The following BAHCC1 variants were observed in gnomAD, a reference collection of about 807,000 sequenced individuals.
BAHCC1 encodes BAH and coiled-coil domain-containing protein 1.
BAHCC1 carries 43 observed loss-of-function variants against 88.2 expected under a neutral mutation model. The ratio of observed to expected loss-of-function variants is 0.49; its 90% CI spans 0.38 to 0.63. The LOEUF is 0.63. Ranked by LOEUF, BAHCC1 falls within the 20% of genes least tolerant of loss-of-function variation. BAHCC1 has a pLI of 0.00. For synonymous variants in BAHCC1, 1,510 were observed against 745.5 expected, an observed-to-expected ratio of 2.03 and a Z score of -16.71; for missense variants, 3,023 against 1,654.8, an observed-to-expected ratio of 1.83 and a Z score of -14.34.
At position 81,414,678 on chromosome 17, in the gene BAHCC1, G is replaced by C. The variant is rs544684356; in HGVS notation, c.179-12122G>C. Among the ~76,000 whole-genome samples the C allele has an allele frequency of 4.5e-3, 685 of 152,326 alleles. 4 individuals are homozygous for C. Among genetic ancestry groups the C allele is most frequent in the African/African-American group, 0.015 (639 of 41,576 alleles). The stretch of plus-strand genomic sequence containing the variant: ...GTGGGTCCGTGCGGCAGGAGCGCTG[G>C]CCGTCGGGAGGGCCTGGTGTGGCCG... On this transcript the variant is annotated intron_variant, in intron 2 of 27. Coordinates refer to ENST00000675386, the MANE Select transcript of BAHCC1 (RefSeq NM_001377448.1).
At chr17:81,417,152 C>CGTGCGT (rs1224589715) in intron 2 of BAHCC1, among the ~76,000 whole-genome samples, 1 of 152,068 alleles carries the variant, frequency 6.6e-6, no homozygotes, top group African/African-American at 2.4e-5. Flanking sequence ...CTGGGGTGTG[C>CGTGCGT]GTGCGTGTGC....
chr17:81,428,771 C>T (rs1214460527), intron 3 of BAHCC1, among the ~76,000 whole-genome samples: 2 of 152,244 alleles, frequency 1.3e-5, no homozygotes, highest in East Asian at 1.9e-4. Flanking sequence ...GCTGCCTGGG[C>T]GGAGCTGCCC....
chr17:81,398,658 C>T (rs1429134749), intron 1 of BAHCC1, among the ~76,000 whole-genome samples: 6 of 152,236 alleles, frequency 3.9e-5, no homozygotes, highest in South Asian at 2.1e-4. Context: ...AGATCCTGGG[C>T]GAATTTGATT....
Position 81,399,815 on chromosome 17 carries a change from G to T in BAHCC1, c.76G>T (p.Ala26Ser). 7.6e-7 allele frequency: 1 copy of T among 1,319,818 alleles called. No homozygotes were observed. Among genetic ancestry groups the T allele is most frequent in the Non-Finnish European group, 9.6e-7 (1 of 1,036,622 alleles). The allele number at this position is 1,319,818 out of a possible 1,614,324, so 81.8% of individuals were successfully genotyped here. A position where few individuals can be genotyped will look rare whatever the true frequency, so the allele number is the denominator to read the frequency against. ...RGSLGHRSAA[A>S]AARLAPAGPA... is the part of the protein sequence containing the mutation. ...GAGCCTGGGCCACCGCAGCGCCGCT[G>T]CCGCCGCGCGTCTCGCCCCGGCTGG... Residue 26 changes from alanine (A) to serine (S), a missense_variant, in exon 2 of 28, where the codon GCC becomes TCC. By Grantham distance (99) the Ala-to-Ser change is moderately conservative. Coordinates refer to ENST00000675386, the MANE Select transcript of BAHCC1 (RefSeq NM_001377448.1). This position sits in a 1 kb window ranked among gnomAD's most constrained non-coding sequence, Gnocchi z 4.5.
chr17:81,457,407 C>T lies in BAHCC1; in HGVS notation c.4859-3C>T. The T allele has an allele frequency of 2.6e-6, 2 of 766,776 alleles. No homozygotes were observed. The highest frequency in any genetic ancestry group is 1.4e-5 in the South Asian group (1 of 72,202). 47.5% of individuals were successfully genotyped at this position (766,776 alleles called of 1,614,324 possible). On this transcript the variant is annotated splice_polypyrimidine_tract_variant and splice_region_variant and intron_variant, in intron 16 of 27. Coordinates refer to ENST00000675386, the MANE Select transcript of BAHCC1 (RefSeq NM_001377448.1). ...CATCAGGACCCCTCTGCCTCTCTCC[C>T]AGGCAGTGGCTATGACAGTGAGGAC... is the stretch of plus-strand genomic sequence containing the variant.
At chr17:81,453,122 C>T (rs889031830) in intron 14 of BAHCC1, among the ~76,000 whole-genome samples, 9 of 152,252 alleles carry the variant, frequency 5.9e-5, no homozygotes, top group African/African-American at 9.6e-5. Context: ...CCAGCCACGC[C>T]GGCTCTGCAC....
rs782635602 is a variant in BAHCC1, at chr17:81,456,447, C to T, written c.4720C>T (p.Arg1574Cys). 1.1e-5 allele frequency: 8 copies of T among 722,150 alleles called. No individual in the cohort carries two copies. The highest frequency in any genetic ancestry group is 2.7e-5 in the East Asian group (1 of 37,700). 44.7% of individuals were successfully genotyped at this position (722,150 alleles called of 1,614,324 possible). A position where few individuals can be genotyped will look rare whatever the true frequency, so the allele number is the denominator to read the frequency against. Residue 1574 changes from arginine to cysteine, a missense_variant, in exon 16 of 28, where the codon CGC becomes TGC. Arg to Cys is a radical substitution (Grantham distance 180, BLOSUM62 -3). Transcript: ENST00000675386. ...GCAGAAGGAGGCTACCCCCGGGGGG[C>T]GCATCCGGGAGAAGCTGTCCCGAGC... is the stretch of plus-strand genomic sequence containing the variant. ...FQQKEATPGG[R>C]IREKLSRAKS... is the part of the protein sequence containing the mutation.
intron 19 of BAHCC1, 23 bp downstream of exon 19, chr17:81,458,748 G>T: frequency 4.0e-6 from 3 of 743,630 alleles, no homozygotes; most frequent in Non-Finnish European, 7.5e-6. Flanking sequence ...CACTCTGGGA[G>T]CCCACTGTGC....
rs1280378731 is a variant in BAHCC1, at chr17:81,411,502, G to T, written c.178+11585G>T. ...TGCCTGCCTGCCTGCCTGCCTGCCT[G>T]CCTGCCTGCCTGCCTTCCTTCCTTC... On this transcript the variant is annotated intron_variant, in intron 2 of 27. Coordinates refer to ENST00000675386, the MANE Select transcript of BAHCC1 (RefSeq NM_001377448.1). This position sits in a 1 kb window ranked among gnomAD's most constrained non-coding sequence, Gnocchi z 6.2. 3.1e-6 allele frequency: 1 copy of T among 319,946 alleles called. No homozygotes were observed. The highest frequency in any genetic ancestry group is 8.4e-5 in the East Asian group (1 of 11,900). The allele number at this position is 319,946 out of a possible 1,614,324, so 19.8% of individuals were successfully genotyped here.
At position 81,461,588 on chromosome 17, in the gene BAHCC1, C is replaced by T. The variant is rs782380801; in HGVS notation, c.6925C>T (p.Arg2309Cys). 11 of 720,854 alleles carry T rather than the reference C, an allele frequency of 1.5e-5. No homozygotes were observed. The highest frequency in any genetic ancestry group is 6.0e-5 in the Admixed American group (3 of 50,124). 44.7% of individuals were successfully genotyped at this position (720,854 alleles called of 1,614,324 possible). The change falls in exon 26 of 28, where the codon CGC becomes TGC. Residue 2309 changes from arginine to cysteine, a missense_variant. Transcript: ENST00000675386. The stretch of plus-strand genomic sequence containing the variant: ...GGGGCTGGCGGCCGGCGTGCCCTCC[C>T]GCTTCCTCGCCCGCCTGTCCGTGTC... ...GPGLAAGVPS[R>C]FLARLSVSSS...
intron 2 of BAHCC1, chr17:81,401,091 G>A (rs1047123553): frequency 3.3e-5 from 5 of 152,268 alleles, no homozygotes; most frequent in African/African-American, 4.8e-5. Context: ...CTGCTTTAAT[G>A]GGATTACAAT....
Position 81,443,277 on chromosome 17 carries a change from C to T in BAHCC1, c.1928C>T (p.Ala643Val), listed in dbSNP as rs1555653237. The change falls in exon 5 of 28, where the codon GCC becomes GTC. Residue 643 changes from alanine (A) to valine (V), a missense_variant. Ala to Val is a moderately conservative substitution (Grantham distance 64). Coordinates refer to ENST00000675386, the MANE Select transcript of BAHCC1 (RefSeq NM_001377448.1). ...AACCTGCTCAAATACAGCAGCCAGG[C>T]CCTGGTGGTGGGCCAGAAAGCACCC... ...MKNLLKYSSQ[A>V]LVVGQKAPLV... 1 of 779,502 alleles carries T rather than the reference C, an allele frequency of 1.3e-6. No homozygotes were observed. Among genetic ancestry groups the T allele is most frequent in the Non-Finnish European group, 2.4e-6 (1 of 417,898 alleles). The allele number at this position is 779,502 out of a possible 1,614,324, so 48.3% of individuals were successfully genotyped here. A position where few individuals can be genotyped will look rare whatever the true frequency, so the allele number is the denominator to read the frequency against.
intron 2 of BAHCC1, among the ~76,000 whole-genome samples, chr17:81,412,662 G>C (rs565979458): frequency 6.6e-6 from 1 of 152,148 alleles, no homozygotes. Context: ...GTACCTTCCC[G>C]GGGGCTCTTT....
At chr17:81,425,832 G>C (rs1232471550) in intron 2 of BAHCC1, among the ~76,000 whole-genome samples, 1 of 145,418 alleles carries the variant, frequency 6.9e-6, no homozygotes, top group East Asian at 2.1e-4. Context: ...TAATGTGGTT[G>C]GTGATTTGGT....
chr17:81,437,332 C>T (rs1555651880), intron 3 of BAHCC1, among the ~76,000 whole-genome samples: 1 of 152,258 alleles, frequency 6.6e-6, no homozygotes, highest in African/African-American at 2.4e-5. Context: ...ACCTGCACTG[C>T]ACGGAGGGCT....
chr17:81,456,498 A>G lies in BAHCC1; in HGVS notation c.4771A>G (p.Thr1591Ala). ...CAAGAGTGCCAAGGTGTCTGGGGCCACACGGCACCCACAGCCCAAGGGCCA... is the reference window on the plus strand; with the variant it reads ...CAAGAGTGCCAAGGTGTCTGGGGCCGCACGGCACCCACAGCCCAAGGGCCA... ...RAKSAKVSGA[T>A]RHPQPKGHGS... Residue 1591 changes from threonine to alanine, a missense_variant, in exon 16 of 28, where the codon ACA becomes GCA. By Grantham distance (58) the Thr-to-Ala change is moderately conservative. Coordinates refer to ENST00000675386, the MANE Select transcript of BAHCC1 (RefSeq NM_001377448.1). 1.4e-6 allele frequency: 1 copy of G among 718,806 alleles called. No individual in the cohort carries two copies. Among genetic ancestry groups the G allele is most frequent in the Non-Finnish European group, 2.6e-6 (1 of 386,186 alleles). The allele number at this position is 718,806 out of a possible 1,614,324, so 44.5% of individuals were successfully genotyped here.
rs1555653247 is a variant in BAHCC1, at chr17:81,443,306, G to A, written c.1957G>A (p.Val653Met). The change falls in exon 5 of 28, where the codon GTG (valine) becomes ATG (methionine). Residue 653 changes from valine (V) to methionine (M), a missense_variant. By Grantham distance (21) the Val-to-Met change is conservative. Transcript: ENST00000675386. ...ALVVGQKAPL[V>M]GLGGLKASCI... ...GGTGGTGGGCCAGAAAGCACCCTTGGTGGGCCTGGGTGGCCTCAAGGCCAG... is the reference window on the plus strand; with the variant it reads ...GGTGGTGGGCCAGAAAGCACCCTTGATGGGCCTGGGTGGCCTCAAGGCCAG... The A allele has an allele frequency of 1.3e-6, 1 of 779,304 alleles. No homozygotes were observed. Among genetic ancestry groups the A allele is most frequent in the Non-Finnish European group, 2.4e-6 (1 of 417,838 alleles). 48.3% of individuals were successfully genotyped at this position (779,304 alleles called of 1,614,324 possible). A position where few individuals can be genotyped will look rare whatever the true frequency, so the allele number is the denominator to read the frequency against.
chr17:81,408,864 G>A (rs2063913111), intron 2 of BAHCC1, among the ~76,000 whole-genome samples: 1 of 152,170 alleles, frequency 6.6e-6, no homozygotes, highest in Non-Finnish European at 1.5e-5. Context: ...GGGTGGAAAT[G>A]TCCTTCTGTC....
At chr17:81,413,045 G>A in intron 2 of BAHCC1, 1 of 367,902 alleles carries the variant, frequency 2.7e-6, no homozygotes, top group Non-Finnish European at 5.6e-6. Flanking sequence ...CTAGAAACGA[G>A]TCCAGGTCCC....
Sources: allele counts gnomAD v4.1 joint callset (sites outside exome capture counted in the v4.1 genomes callset), GRCh38; gene constraint gnomAD v4.1.1; non-coding constraint Gnocchi (gnomAD v3.1); transcripts MANE v1.5; gene names NCBI Gene and HGNC (gene_info 2026-07-23, HGNC 2026-07-21).